The following BCHE variants were observed in gnomAD, a reference collection of about 807,000 sequenced individuals.
The protein encoded by BCHE is butyrylcholinesterase.
BCHE carries 48 observed loss-of-function variants against 51.3 expected under a neutral mutation model. The observed-to-expected ratio is 0.94, with a 90% CI of 0.74 to 1.19. The LOEUF (loss-of-function observed/expected upper bound fraction) is 1.19. BCHE is among the 50% of genes most tolerant of loss of function. BCHE has a pLI of 0.00. For synonymous variants in BCHE, 251 were observed against 238.0 expected, an observed-to-expected ratio of 1.05 and a Z score of -0.50; for missense variants, 847 against 708.2, an observed-to-expected ratio of 1.20 and a Z score of -2.23.
rs778008893 is a variant in BCHE at position 165,773,496 on chromosome 3, A to G, written c.1695T>C (p.Asp565=). The part of the protein sequence containing the change: ...PKVLEMTGNI[D]EAEWEWKAGF... ...CTGCTTTCCACTCCCATTCTGCTTC[A>G]TCAATATTTCCTGTAAAATATGGAA... The change falls in exon 4 of 4, where the codon GAT becomes GAC. Residue 565 remains aspartate, a synonymous_variant. Coordinates refer to ENST00000264381, the MANE Select transcript of BCHE (RefSeq NM_000055.4). 7 of 1,605,658 alleles carry G rather than the reference A, an allele frequency of 4.4e-6. No homozygotes were observed. The highest frequency in any genetic ancestry group is 6.0e-6 in the Non-Finnish European group (7 of 1,172,862).
Position 165,795,693 on chromosome 3 carries a change from T to G in BCHE, c.1518-9382A>C, listed in dbSNP as rs537878609. Reference sequence around the variant, plus strand: ...GTTAAATAATAAGGTTTGCTATTTTTGGGCAGGAATCAAGGTACCTAGAGG... The same window carrying G: ...GTTAAATAATAAGGTTTGCTATTTTGGGGCAGGAATCAAGGTACCTAGAGG... On this transcript the variant is annotated intron_variant, in intron 2 of 3. Transcript: ENST00000264381. Among the ~76,000 whole-genome samples the G allele has an allele frequency of 2.1e-4, 32 of 152,272 alleles. No homozygotes were observed. The South Asian group carries it at 4.6e-3, about 22-fold the overall frequency.
At chr3:165,780,039 G>A (rs1159873346) in intron 3 of BCHE, among the ~76,000 whole-genome samples, 1 of 152,078 alleles carries the variant, frequency 6.6e-6, no homozygotes, top group Non-Finnish European at 1.5e-5. Context: ...AACCAAAACA[G>A]CATGGTATTA....
In BCHE at chr3:165,830,828, A is replaced by C. The variant is rs777330640; in HGVS notation, c.206T>G (p.Leu69Arg). ...IPYAQPPLGR[L>R]RFKKPQSLTK... ...CAGAGACTGTGGCTTTTTGAATCGAAGTCTACCAAGAGGTGGCTGTGCATA... is the reference window on the plus strand; with the variant it reads ...CAGAGACTGTGGCTTTTTGAATCGACGTCTACCAAGAGGTGGCTGTGCATA... Residue 69 changes from leucine to arginine, a missense_variant, in exon 2 of 4, where the codon CTT (leucine) becomes CGT (arginine). By Grantham distance (102) the Leu-to-Arg change is moderately radical. Coordinates refer to ENST00000264381, the MANE Select transcript of BCHE (RefSeq NM_000055.4). The C allele has an allele frequency of 2.5e-5, 41 of 1,613,860 alleles. No individual in the cohort carries two copies. The highest frequency in any genetic ancestry group is 3.3e-5 in the Non-Finnish European group (39 of 1,179,900).
rs779779259 is a variant in BCHE at position 165,830,551 on chromosome 3, C to G, written c.483G>C (p.Leu161=). 1 of 1,613,966 alleles carries G rather than the reference C, an allele frequency of 6.2e-7. No individual in the cohort carries two copies. Among genetic ancestry groups the G allele is most frequent in the Non-Finnish European group, 8.5e-7 (1 of 1,179,940 alleles). ...CTACAATAACTCTTTCAACCCGAGC[C>G]AGAAACTTGCCATCATAAACATGTA... ...SSLHVYDGKF[L]ARVERVIVVS... The change falls in exon 2 of 4, where the codon CTG becomes CTC. Residue 161 remains leucine, a synonymous_variant. Transcript: ENST00000264381.
At chr3:165,790,797 A>C (rs940923923) in intron 2 of BCHE, among the ~76,000 whole-genome samples, 1 of 151,438 alleles carries the variant, frequency 6.6e-6, no homozygotes, top group African/African-American at 2.4e-5. Context: ...GAAAACAAAG[A>C]TCATGAGAAA....
chr3:165,778,607 C>T (rs1560001018), intron 3 of BCHE: 1 of 424,688 alleles, frequency 2.4e-6, no homozygotes, highest in Non-Finnish European at 4.9e-6. Flanking sequence ...CAGGTATCTT[C>T]TCTTCTTAAA....
Position 165,773,191 on chromosome 3 carries a change from C to T in BCHE, c.*191G>A, listed in dbSNP as rs966014566. 2.0e-5 allele frequency: 10 copies of T among 512,168 alleles called. No homozygotes were observed. Among genetic ancestry groups the T allele is most frequent in the Non-Finnish European group, 3.1e-5 (9 of 292,104 alleles). The allele number at this position is 512,168 out of a possible 1,614,324, so 31.7% of individuals were successfully genotyped here. ...CTTTATATTGTGAAATTTAATTAAA[C>T]ACGTTCTAGCCATTTGGGTTTTGAA... On this transcript the variant is annotated 3_prime_UTR_variant, in exon 4 of 4. Transcript: ENST00000264381.
chr3:165,792,254 A>G (rs958293161), intron 2 of BCHE, among the ~76,000 whole-genome samples: 6 of 152,232 alleles, frequency 3.9e-5, no homozygotes, highest in African/African-American at 1.2e-4. Flanking sequence ...TATTACTTCA[A>G]GGAAACTTCA....
intron 3 of BCHE, among the ~76,000 whole-genome samples, chr3:165,782,384 G>A (rs1005849726): frequency 3.3e-5 from 5 of 152,022 alleles, no homozygotes; most frequent in Admixed American, 6.6e-5. Context: ...TAAAGAGAAG[G>A]GAATAGTCGT....
intron 3 of BCHE, among the ~76,000 whole-genome samples, chr3:165,776,867 TA>T (rs978784252): frequency 5.3e-5 from 8 of 151,786 alleles, no homozygotes; most frequent in African/African-American, 1.9e-4. Flanking sequence ...ATAATATGTA[TA>T]AAAAGTGTCT....
At chr3:165,809,253 C>T (rs1235998971) in intron 2 of BCHE, among the ~76,000 whole-genome samples, 2 of 152,036 alleles carry the variant, frequency 1.3e-5, no homozygotes, top group Non-Finnish European at 2.9e-5. Context: ...ATTGGATGGA[C>T]AACATTAAGC....
At chr3:165,810,149 A>T (rs1025278499) in intron 2 of BCHE, among the ~76,000 whole-genome samples, 1 of 152,214 alleles carries the variant, frequency 6.6e-6, no homozygotes, top group African/African-American at 2.4e-5. Context: ...AGTATGTTTC[A>T]GATAGGCTAT....
intron 2 of BCHE, among the ~76,000 whole-genome samples, chr3:165,796,064 AAAG>A (rs1385346519): frequency 8.5e-5 from 13 of 152,160 alleles, no homozygotes; most frequent in Non-Finnish European, 1.3e-4. Flanking sequence ...AGGAAATAAA[AAAG>A]AAGACTTATT....
At chr3:165,813,321 A>G (rs186124346) in intron 2 of BCHE, among the ~76,000 whole-genome samples, 1 of 151,744 alleles carries the variant, frequency 6.6e-6, no homozygotes, top group East Asian at 1.9e-4. Context: ...TAATAATCAT[A>G]TATTTTATAC....
intron 2 of BCHE, among the ~76,000 whole-genome samples, chr3:165,802,932 G>A (rs953977626): frequency 6.6e-6 from 1 of 151,914 alleles, no homozygotes; most frequent in African/African-American, 2.4e-5. Flanking sequence ...TAGTAGAGCC[G>A]GGGTTTCACC....
At chr3:165,823,912 C>A (rs1227125790) in intron 2 of BCHE, among the ~76,000 whole-genome samples, 1 of 144,718 alleles carries the variant, frequency 6.9e-6, no homozygotes, top group Non-Finnish European at 1.5e-5. Flanking sequence ...TGTGTGGCAC[C>A]ATACCCACCA....
chr3:165,807,232 T>C (rs1425147926), intron 2 of BCHE, among the ~76,000 whole-genome samples: 2 of 151,990 alleles, frequency 1.3e-5, no homozygotes, highest in African/African-American at 2.4e-5. Flanking sequence ...TAAATTATAA[T>C]TGAATTATAA....
chr3:165,812,847 T>A (rs73028230), intron 2 of BCHE, among the ~76,000 whole-genome samples: 3,787 of 152,010 alleles, frequency 0.025, 157 homozygotes, highest in African/African-American at 0.087. Context: ...GATATGAAAG[T>A]ATAGTCTGGT....
Position 165,830,020 on chromosome 3 carries a change from T to C in BCHE, c.1014A>G (p.Gly338=), listed in dbSNP as rs1714893171. The C allele has an allele frequency of 6.2e-7, 1 of 1,613,778 alleles. No individual in the cohort carries two copies. Among genetic ancestry groups the C allele is most frequent in the Non-Finnish European group, 8.5e-7 (1 of 1,179,904 alleles). Residue 338 remains glycine (G), a synonymous_variant, in exon 2 of 4, where the codon GGA becomes GGG. Transcript: ENST00000264381. ...TDMPDILLEL[G]QFKKTQILVG... ...CCAAAATCTGGGTTTTTTTAAATTG[T>C]CCAAGTTCAAGTAATATGTCTGGCA...
Sources: allele counts gnomAD v4.1 joint callset (sites outside exome capture counted in the v4.1 genomes callset), GRCh38; gene constraint gnomAD v4.1.1; transcripts MANE v1.5; gene names NCBI Gene and HGNC (gene_info 2026-07-23, HGNC 2026-07-21).